Variants in GRK5 observed in about 807,000 individuals in gnomAD.
GRK5 encodes the protein G protein-coupled receptor kinase 5, also known as g protein-coupled receptor kinase GRK5.
GRK5 carries 40 observed loss-of-function variants against 78.4 expected under a neutral mutation model. The observed-to-expected ratio is 0.51, with a 90% confidence interval of 0.40 to 0.66. The LOEUF is 0.66. GRK5 is among the 30% of genes least tolerant of loss of function. The pLI is 0.00. For missense variants in GRK5, 598 were observed against 759.9 expected (o/e 0.79, Z 2.50); for synonymous variants, 289 against 296.8 (o/e 0.97, Z 0.27).
rs374258738 is a variant in GRK5 at position 119,453,226 on chromosome 10, C to G, written c.1624C>G (p.Pro542Ala). 17 of 1,613,808 alleles carry G rather than the reference C, an allele frequency of 1.1e-5. No homozygotes were observed. Among genetic ancestry groups the G allele is most frequent in the Non-Finnish European group, 1.4e-5 (16 of 1,179,862 alleles). ...TLPPDLNRNH[P>A]PEPPKKGLLQ... The stretch of plus-strand genomic sequence containing the variant: ...CCCGCCAGATCTGAACAGAAACCAC[C>G]CTCCGGAACCGCCCAAGAAAGGGCT... The change falls in exon 15 of 16, where the codon CCT becomes GCT. Residue 542 changes from proline to alanine, a missense_variant. Coordinates refer to ENST00000392870, the MANE Select transcript of GRK5 (RefSeq NM_005308.3).
intron 1 of GRK5, among the ~76,000 whole-genome samples, chr10:119,325,076 C>G (rs1265519056): frequency 6.6e-6 from 1 of 152,230 alleles, no homozygotes; most frequent in Non-Finnish European, 1.5e-5. Flanking sequence ...CTTCCTGGAG[C>G]AGGAGCAGAG....
At chr10:119,356,088 A>C (rs1273013217) in intron 2 of GRK5, among the ~76,000 whole-genome samples, 1 of 152,248 alleles carries the variant, frequency 6.6e-6, no homozygotes, top group Non-Finnish European at 1.5e-5. Flanking sequence ...TGGGTCATGC[A>C]TACATTGCAT....
chr10:119,387,170 A>G (rs975370166), intron 3 of GRK5, among the ~76,000 whole-genome samples: 3 of 151,866 alleles, frequency 2.0e-5, no homozygotes, highest in African/African-American at 7.3e-5. Context: ...ACACCCAGCT[A>G]ATTTTGTATT....
At position 119,271,613 on chromosome 10, in the gene GRK5, A is replaced by C. The variant is rs1849583793; in HGVS notation, c.53-54903A>C. On this transcript the variant is annotated intron_variant, in intron 1 of 15. Coordinates refer to ENST00000392870, the MANE Select transcript of GRK5 (RefSeq NM_005308.3). The surrounding 1 kb of genome is among the most constrained non-coding windows in gnomAD (Gnocchi z 4.1). ...GAGCTCGTAAATGACTCACCCCATCAGTGCTGGGCTGGTGTGTGCGGGGTT... is the reference window on the plus strand; with the variant it reads ...GAGCTCGTAAATGACTCACCCCATCCGTGCTGGGCTGGTGTGTGCGGGGTT... Among the ~76,000 whole-genome samples, 1 of 152,144 alleles carries C rather than the reference A, an allele frequency of 6.6e-6. No individual in the cohort carries two copies. Among genetic ancestry groups the C allele is most frequent in the South Asian group, 2.1e-4 (1 of 4,828 alleles).
chr10:119,288,002 T>C (rs1283582395), intron 1 of GRK5, among the ~76,000 whole-genome samples: 14 of 152,220 alleles, frequency 9.2e-5, no homozygotes, highest in Admixed American at 9.2e-4. Flanking sequence ...TCCCCCTCTC[T>C]GGACTGGACG....
chr10:119,359,310 A>G (rs1185129869), intron 2 of GRK5, among the ~76,000 whole-genome samples: 1 of 152,162 alleles, frequency 6.6e-6, no homozygotes, highest in Non-Finnish European at 1.5e-5. Flanking sequence ...CCCACATGTA[A>G]TCCACACCAG....
chr10:119,255,416 T>C (rs1245592436), intron 1 of GRK5, among the ~76,000 whole-genome samples: 1 of 152,248 alleles, frequency 6.6e-6, no homozygotes, highest in Non-Finnish European at 1.5e-5. Flanking sequence ...CTAACTCCAA[T>C]GACCTCTCCC....
At chr10:119,219,427 A>G in intron 1 of GRK5, among the ~76,000 whole-genome samples, 1 of 152,206 alleles carries the variant, frequency 6.6e-6, no homozygotes, top group Non-Finnish European at 1.5e-5. Context: ...ATGCTCGACC[A>G]GTATAATGCA....
chr10:119,346,429 T>C (rs900457232), intron 2 of GRK5, among the ~76,000 whole-genome samples: 1 of 152,220 alleles, frequency 6.6e-6, no homozygotes, highest in Non-Finnish European at 1.5e-5. Context: ...TAGGTCAGAT[T>C]TATCATTTAC....
In GRK5 at chr10:119,452,369, C is replaced by T; in HGVS notation, c.1405-302C>T. ...CCAGGTGCCCCGAGCTCCTGTGTCA[C>T]CCCAGCCAGGGTCCCCGTCATGGAT... On this transcript the variant is annotated intron_variant, in intron 13 of 15. Transcript: ENST00000392870. This position sits in a 1 kb window ranked among gnomAD's most constrained non-coding sequence, Gnocchi z 4.4. 1 of 361,856 alleles carries T rather than the reference C, an allele frequency of 2.8e-6. No individual in the cohort carries two copies. The highest frequency in any genetic ancestry group is 5.1e-6 in the Non-Finnish European group (1 of 194,802). The allele number at this position is 361,856 out of a possible 1,614,324, so 22.4% of individuals were successfully genotyped here.
chr10:119,247,993 A>G lies in GRK5; in HGVS notation c.52+40024A>G, dbSNP rs148459181. ...TGTGAGTGAACAAGTGTTTATATCC[A>G]TATGCACACAAATACGTAATTAGCT... is the stretch of plus-strand genomic sequence containing the variant. On this transcript the variant is annotated intron_variant, in intron 1 of 15. Coordinates refer to ENST00000392870, the MANE Select transcript of GRK5 (RefSeq NM_005308.3). Among the ~76,000 whole-genome samples the G allele has an allele frequency of 4.4e-3, 665 of 152,310 alleles. 4 individuals carry two copies. Among genetic ancestry groups the G allele is most frequent in the African/African-American group, 0.015 (632 of 41,554 alleles).
chr10:119,433,044 C>T (rs1852850936), intron 8 of GRK5, among the ~76,000 whole-genome samples: 1 of 152,182 alleles, frequency 6.6e-6, no homozygotes, highest in Non-Finnish European at 1.5e-5. Flanking sequence ...GCACTCCAGC[C>T]TGGGTGACAG....
At chr10:119,304,372 C>T (rs555311078) in intron 1 of GRK5, among the ~76,000 whole-genome samples, 111 of 148,500 alleles carry the variant, frequency 7.5e-4, no homozygotes, top group African/African-American at 2.7e-3. Flanking sequence ...TCACTGCAAC[C>T]TCCGCCTCCT....
intron 1 of GRK5, among the ~76,000 whole-genome samples, chr10:119,257,518 G>A (rs530049214): frequency 2.0e-5 from 3 of 152,330 alleles, no homozygotes; most frequent in East Asian, 3.9e-4. Flanking sequence ...CAGGCCAGGA[G>A]TTTGAGACCA....
chr10:119,302,228 C>A (rs1850195731), intron 1 of GRK5, among the ~76,000 whole-genome samples: 1 of 152,206 alleles, frequency 6.6e-6, no homozygotes, highest in South Asian at 2.1e-4. Flanking sequence ...TTCTTCCCAG[C>A]CTGTGGAGGC....
chr10:119,423,473 A>T (rs550072886), intron 5 of GRK5, among the ~76,000 whole-genome samples: 1 of 152,184 alleles, frequency 6.6e-6, no homozygotes, highest in African/African-American at 2.4e-5. Flanking sequence ...TGCAAAGGGT[A>T]TTGAAAGCAA....
chr10:119,252,787 C>G (rs1040983450), intron 1 of GRK5, among the ~76,000 whole-genome samples: 5 of 152,114 alleles, frequency 3.3e-5, no homozygotes, highest in African/African-American at 1.2e-4. Context: ...TGGCTTTTGC[C>G]TCATTTTTAT....
chr10:119,297,909 A>T (rs1385619391), intron 1 of GRK5, among the ~76,000 whole-genome samples: 1 of 152,222 alleles, frequency 6.6e-6, no homozygotes, highest in Non-Finnish European at 1.5e-5. Context: ...TCTTGTTCTA[A>T]CCTTATGATC....
intron 2 of GRK5, among the ~76,000 whole-genome samples, chr10:119,365,496 TG>T (rs994690474): frequency 2.6e-5 from 4 of 152,314 alleles, no homozygotes; most frequent in African/African-American, 9.6e-5. Context: ...GGAGGGGGTT[TG>T]GAAAGACCTG....
Sources: gnomAD v4.1 joint callset for allele counts (sites outside exome capture counted in the v4.1 genomes callset) on GRCh38, gnomAD v4.1.1 for gene constraint, Gnocchi (gnomAD v3.1) non-coding constraint, MANE v1.5 for transcripts, NCBI Gene and HGNC (gene_info 2026-07-23, HGNC 2026-07-21) for gene names.